The following ERC1 variants were observed in gnomAD, a reference collection of about 807,000 sequenced individuals.
ERC1 encodes the protein ELKS/RAB6-interacting/CAST family member 1, also known as RAB6 interacting protein 2.
ERC1 carries 56 observed loss-of-function variants against 132.0 expected under a neutral mutation model. The ratio of observed to expected loss-of-function variants is 0.42; its 90% CI spans 0.34 to 0.53. ERC1 has a LOEUF of 0.53. Among genes scored for constraint, ERC1 ranks in the 20% least tolerant of loss-of-function variants. The pLI is 0.03. For synonymous variants in ERC1, 478 were observed against 476.1 expected (o/e 1.00, Z -0.05); for missense variants, 1,202 against 1,349.9 (o/e 0.89, Z 1.72).
At position 1,033,715 on chromosome 12, in the gene ERC1, C is replaced by T. The variant is rs950038667; in HGVS notation, c.669+5143C>T. Among the ~76,000 whole-genome samples the T allele has an allele frequency of 2.0e-5, 3 of 151,710 alleles. No homozygotes were observed. The East Asian group carries it at 5.9e-4, about 30-fold the overall frequency. ...CACGATCTCAGCTCACTGCAACCTC[C>T]GCCTCCTGAGTTCAAGCGATTCTCC... is the stretch of plus-strand genomic sequence containing the variant. On this transcript the variant is annotated intron_variant, in intron 2 of 18. Transcript: ENST00000360905.
intron 8 of ERC1, among the ~76,000 whole-genome samples, chr12:1,178,529 C>A (rs1038202604): frequency 1.3e-5 from 2 of 151,940 alleles, no homozygotes; most frequent in African/African-American, 4.8e-5. Context: ...TATATAGATA[C>A]ATGGAAGAAT....
rs181094343 is a variant in ERC1 at position 1,095,313 on chromosome 12, C to T, written c.1087-9437C>T. 3.4e-3 allele frequency among the ~76,000 whole-genome samples: 505 copies of T among 149,262 alleles called. 4 individuals carry two copies. Among genetic ancestry groups the T allele is most frequent in the Non-Finnish European group, 5.3e-3 (361 of 67,756 alleles). On this transcript the variant is annotated intron_variant, in intron 3 of 18. Coordinates refer to ENST00000360905, the MANE Select transcript of ERC1 (RefSeq NM_178040.4). ...GGCATGGTGGTGCATGCCTGCGGTC[C>T]TAGCTATTTGGGAGGCTGAGGCAGG...
intron 7 of ERC1, among the ~76,000 whole-genome samples, chr12:1,132,455 C>G (rs1401864172): frequency 6.6e-6 from 1 of 152,092 alleles, no homozygotes; most frequent in Non-Finnish European, 1.5e-5. Flanking sequence ...TTTCGGTCAC[C>G]AATTCATACT....
chr12:1,485,029 C>T (rs562030032), intron 18 of ERC1, among the ~76,000 whole-genome samples: 16 of 151,262 alleles, frequency 1.1e-4, no homozygotes, highest in East Asian at 3.9e-4. Flanking sequence ...ACTAGAGGCA[C>T]GCACAACCAC....
chr12:1,126,297 G>A (rs937694795), intron 7 of ERC1, among the ~76,000 whole-genome samples: 2 of 152,108 alleles, frequency 1.3e-5, no homozygotes, highest in Admixed American at 6.5e-5. Context: ...AGAACAGTGC[G>A]GTAACTAGCA....
chr12:1,044,993 G>T (rs184999110), intron 2 of ERC1, among the ~76,000 whole-genome samples: 176 of 152,110 alleles, frequency 1.2e-3, no homozygotes, highest in Non-Finnish European at 2.1e-3. Flanking sequence ...TCTTTCTTTG[G>T]TAAGGGGTTC....
chr12:1,172,539 C>T, intron 8 of ERC1, among the ~76,000 whole-genome samples: 1 of 152,108 alleles, frequency 6.6e-6, no homozygotes, highest in East Asian at 1.9e-4. Flanking sequence ...TGATAGTAAA[C>T]TGTATATATA....
chr12:1,339,820 T>G (rs2083660289), intron 15 of ERC1, among the ~76,000 whole-genome samples: 1 of 152,098 alleles, frequency 6.6e-6, no homozygotes, highest in Non-Finnish European at 1.5e-5. Flanking sequence ...CTGTGCCTGG[T>G]TTCACTCCTG....
At chr12:1,471,790 A>G (rs1278564647) in intron 18 of ERC1, among the ~76,000 whole-genome samples, 1 of 152,228 alleles carries the variant, frequency 6.6e-6, no homozygotes, top group Non-Finnish European at 1.5e-5. Context: ...GCAAGACCAG[A>G]TTCCTTGTAA....
intron 8 of ERC1, among the ~76,000 whole-genome samples, chr12:1,179,744 T>A (rs1954189853): frequency 1.3e-5 from 2 of 152,156 alleles, no homozygotes; most frequent in Non-Finnish European, 2.9e-5. Context: ...CCTGACCTCG[T>A]GATCTGCCCG....
At chr12:1,059,834 T>G (rs1973668495) in intron 2 of ERC1, among the ~76,000 whole-genome samples, 1 of 152,242 alleles carries the variant, frequency 6.6e-6, no homozygotes, top group African/African-American at 2.4e-5. Context: ...CGCATCAAGG[T>G]AATGCTGGCT....
chr12:1,110,048 G>A, intron 4 of ERC1, 144 bp from the exon 5 acceptor site: 1 of 665,400 alleles, frequency 1.5e-6, no homozygotes, highest in Non-Finnish European at 2.5e-6. Flanking sequence ...CTCAAAAAAA[G>A]GAAGCAAGGC....
At chr12:1,322,966 A>G (rs2082209467) in intron 15 of ERC1, among the ~76,000 whole-genome samples, 1 of 152,190 alleles carries the variant, frequency 6.6e-6, no homozygotes, top group Non-Finnish European at 1.5e-5. Flanking sequence ...AGTGGATGAT[A>G]CAAAAGAAAA....
intron 15 of ERC1, among the ~76,000 whole-genome samples, chr12:1,364,292 A>G (rs1319706925): frequency 6.6e-6 from 1 of 152,160 alleles, no homozygotes; most frequent in African/African-American, 2.4e-5. Flanking sequence ...AGAATCTTCT[A>G]ATCTCTCCTC....
chr12:1,322,123 C>T (rs1250131349), intron 15 of ERC1, among the ~76,000 whole-genome samples: 5 of 142,532 alleles, frequency 3.5e-5, no homozygotes, highest in East Asian at 1.9e-4. Context: ...CTCGTGCTCA[C>T]GCAGGATTAT....
At chr12:1,344,388 A>C (rs1401802340) in intron 15 of ERC1, among the ~76,000 whole-genome samples, 1 of 152,142 alleles carries the variant, frequency 6.6e-6, no homozygotes, top group Non-Finnish European at 1.5e-5. Context: ...GTTTTAACAC[A>C]GTGTTCTCTT....
At position 1,312,316 on chromosome 12, in the gene ERC1, C is replaced by G. The variant is rs144473224; in HGVS notation, c.2780+22304C>G. Among the ~76,000 whole-genome samples, 426 of 152,296 alleles carry G rather than the reference C, an allele frequency of 2.8e-3. 4 individuals carry two copies. The highest frequency in any genetic ancestry group is 0.02 in the Admixed American group (311 of 15,298). ...AGTCAGTCTGTTTGCTTGTGTCCTC[C>G]TAACCCACTGATGGCACCTCTGACT... On this transcript the variant is annotated intron_variant, in intron 15 of 18. Coordinates refer to ENST00000360905, the MANE Select transcript of ERC1 (RefSeq NM_178040.4).
At chr12:1,335,944 C>T (rs985542256) in intron 15 of ERC1, among the ~76,000 whole-genome samples, 1 of 151,968 alleles carries the variant, frequency 6.6e-6, no homozygotes, top group East Asian at 1.9e-4. Flanking sequence ...TTTCAGAGTT[C>T]ATTATGGGCC....
intron 18 of ERC1, among the ~76,000 whole-genome samples, chr12:1,476,279 G>A (rs1029591517): frequency 2.0e-5 from 3 of 151,360 alleles, no homozygotes; most frequent in Non-Finnish European, 2.9e-5. Context: ...AACTTAGCCA[G>A]GCGTGGTGGC....
Sources: allele counts gnomAD v4.1 joint callset (sites outside exome capture counted in the v4.1 genomes callset), GRCh38; gene constraint gnomAD v4.1.1; transcripts MANE v1.5; gene names NCBI Gene and HGNC (gene_info 2026-07-23, HGNC 2026-07-21).